The following KCNH1 variants were observed in gnomAD, a reference collection of about 807,000 sequenced individuals.
KCNH1 encodes voltage-gated delayed rectifier potassium channel KCNH1.
KCNH1 carries 27 observed loss-of-function variants against 69.2 expected under a neutral mutation model. The ratio of observed to expected loss-of-function variants is 0.39; its 90% confidence interval spans 0.29 to 0.54. KCNH1 has a LOEUF of 0.54. Among genes scored for constraint, KCNH1 ranks in the 20% least tolerant of loss-of-function variants. KCNH1 has a pLI of 0.68. For missense variants in KCNH1, 798 were observed against 1,261.6 expected (o/e 0.63, Z 5.57); for synonymous variants, 456 against 487.7 (o/e 0.93, Z 0.86).
chr1:210,833,674 AT>A (rs1229926530), intron 7 of KCNH1, among the ~76,000 whole-genome samples: 1 of 152,180 alleles, frequency 6.6e-6, no homozygotes, highest in Non-Finnish European at 1.5e-5. Context: ...AAAAGCCAAA[AT>A]TGACAAATGG....
At chr1:210,912,299 T>C (rs1687250569) in intron 7 of KCNH1, among the ~76,000 whole-genome samples, 1 of 152,158 alleles carries the variant, frequency 6.6e-6, no homozygotes, top group South Asian at 2.1e-4. Context: ...ATCCTGCCAG[T>C]CAAGCCTGAA....
At chr1:210,788,745 G>A (rs1684156900) in intron 9 of KCNH1, among the ~76,000 whole-genome samples, 1 of 131,548 alleles carries the variant, frequency 7.6e-6, no homozygotes, top group African/African-American at 3.1e-5. Context: ...CGCCCAGGCT[G>A]GAGTGCAGTG....
rs553272480 is a variant in KCNH1 at position 211,032,330 on chromosome 1, C to T, written c.559-13074G>A. Among the ~76,000 whole-genome samples, 310 of 152,224 alleles carry T rather than the reference C, an allele frequency of 2.0e-3. 1 individual carries two copies. Among genetic ancestry groups the T allele is most frequent in the African/African-American group, 6.7e-3 (277 of 41,546 alleles). Reference sequence around the variant, plus strand: ...AGAATCAATATCATGAAAATGGACACACTGCCCAAGGTAATTTATAGATTC... The same window carrying T: ...AGAATCAATATCATGAAAATGGACATACTGCCCAAGGTAATTTATAGATTC... On this transcript the variant is annotated intron_variant, in intron 5 of 10. Transcript: ENST00000271751.
intron 6 of KCNH1, among the ~76,000 whole-genome samples, chr1:210,920,553 T>C (rs138201372): frequency 2.6e-5 from 4 of 152,256 alleles, no homozygotes; most frequent in African/African-American, 9.6e-5. Flanking sequence ...CACCAAAATA[T>C]TAATAGAGGT....
At chr1:210,882,040 T>A (rs1686505169) in intron 7 of KCNH1, among the ~76,000 whole-genome samples, 1 of 152,158 alleles carries the variant, frequency 6.6e-6, no homozygotes, top group African/African-American at 2.4e-5. Flanking sequence ...TGAGTGACAA[T>A]GATGTGTCAA....
At chr1:211,109,136 A>G (rs1018029126) in intron 1 of KCNH1, among the ~76,000 whole-genome samples, 1 of 152,222 alleles carries the variant, frequency 6.6e-6, no homozygotes, top group Non-Finnish European at 1.5e-5. Flanking sequence ...TACAAAAACA[A>G]TAGATATAGA....
intron 6 of KCNH1, among the ~76,000 whole-genome samples, chr1:210,950,047 C>A (rs910420071): frequency 4.3e-4 from 65 of 152,252 alleles, no homozygotes; most frequent in African/African-American, 1.5e-3. Flanking sequence ...AGAACAAGAA[C>A]AAAAACAGAT....
chr1:210,872,164 A>C (rs922954463), intron 7 of KCNH1, among the ~76,000 whole-genome samples: 7 of 151,800 alleles, frequency 4.6e-5, no homozygotes, highest in African/African-American at 1.7e-4. Flanking sequence ...AAAAAAAAAA[A>C]AAAAGATCAA....
chr1:210,867,417 C>G (rs1430933944), intron 7 of KCNH1, among the ~76,000 whole-genome samples: 1 of 150,632 alleles, frequency 6.6e-6, no homozygotes, highest in Non-Finnish European at 1.5e-5. Flanking sequence ...GGGGCAATGT[C>G]AAGTATAGAA....
At chr1:210,964,869 C>A (rs574731029) in intron 6 of KCNH1, among the ~76,000 whole-genome samples, 1 of 152,088 alleles carries the variant, frequency 6.6e-6, no homozygotes, top group African/African-American at 2.4e-5. Flanking sequence ...ACTGGCAAAC[C>A]GAATCCAGCA....
chr1:211,021,490 G>A (rs149458529), intron 5 of KCNH1, among the ~76,000 whole-genome samples: 2 of 151,750 alleles, frequency 1.3e-5, no homozygotes, highest in African/African-American at 4.8e-5. Context: ...GCAAGAGAAA[G>A]AAATAAAGGA....
At chr1:211,125,426 G>C (rs962134525) in intron 1 of KCNH1, among the ~76,000 whole-genome samples, 2 of 152,090 alleles carry the variant, frequency 1.3e-5, no homozygotes, top group African/African-American at 4.8e-5. Context: ...AATGCTGAGA[G>C]GAAAAGAAAG....
At position 211,122,678 on chromosome 1, in the gene KCNH1, G is replaced by A. The variant is rs530231600; in HGVS notation, c.79+11189C>T. Among the ~76,000 whole-genome samples the A allele has an allele frequency of 2.0e-5, 3 of 152,318 alleles. No homozygotes were observed. In the East Asian group the frequency reaches 5.8e-4, roughly 29 times the overall value. On this transcript the variant is annotated intron_variant, in intron 1 of 10. Transcript: ENST00000271751. ...GGAATGAGATCATGTCCTTTGCAGG[G>A]ACATGGATGAAGCTGGAAGCTATCA...
intron 7 of KCNH1, among the ~76,000 whole-genome samples, chr1:210,836,111 C>CAAAAA (rs776429016): frequency 0.042 from 3,890 of 93,056 alleles, 146 homozygotes; most frequent in Non-Finnish European, 0.058. Context: ...GTCTCCGTCT[C>CAAAAA]AAAAAAAAAA....
intron 5 of KCNH1, among the ~76,000 whole-genome samples, chr1:211,042,215 T>C (rs1690008175): frequency 6.6e-6 from 1 of 152,238 alleles, no homozygotes; most frequent in African/African-American, 2.4e-5. Flanking sequence ...CTCAAATAGA[T>C]TCTTCACCCA....
At chr1:210,710,155 G>T (rs1682031622) in intron 10 of KCNH1, among the ~76,000 whole-genome samples, 1 of 152,116 alleles carries the variant, frequency 6.6e-6, no homozygotes, top group Admixed American at 6.5e-5. Context: ...GAATACTATA[G>T]ATAATTGTGT....
chr1:210,842,471 A>G (rs1302784891), intron 7 of KCNH1, among the ~76,000 whole-genome samples: 1 of 152,200 alleles, frequency 6.6e-6, no homozygotes, highest in Non-Finnish European at 1.5e-5. Flanking sequence ...CAAAGGTACA[A>G]TGATTTAGTA....
chr1:210,941,819 G>C (rs1687880358), intron 6 of KCNH1, among the ~76,000 whole-genome samples: 2 of 152,146 alleles, frequency 1.3e-5, no homozygotes, highest in South Asian at 4.1e-4. Context: ...AAGGTAATAA[G>C]GGCCCCCTTC....
At chr1:210,763,119 A>AC (rs1683555562) in intron 10 of KCNH1, among the ~76,000 whole-genome samples, 1 of 152,210 alleles carries the variant, frequency 6.6e-6, no homozygotes, top group African/African-American at 2.4e-5. Context: ...TGAAAAATAA[A>AC]AACCATGTAA....
Sources: allele counts gnomAD v4.1 joint callset (sites outside exome capture counted in the v4.1 genomes callset), GRCh38; gene constraint gnomAD v4.1.1; transcripts MANE v1.5; gene names NCBI Gene and HGNC (gene_info 2026-07-23, HGNC 2026-07-21).